The following PARP8 variants were observed in gnomAD, a reference collection of about 807,000 sequenced individuals.
PARP8 encodes poly(ADP-ribose) polymerase family member 8.
In PARP8, 51 loss-of-function variants were observed where a neutral mutation model predicts 124.1. The ratio of observed to expected loss-of-function variants is 0.41; its 90% confidence interval spans 0.33 to 0.52. PARP8 has a LOEUF of 0.52. PARP8 is among the 20% of genes least tolerant of loss of function. PARP8 has a pLI of 0.21. For missense variants in PARP8, 860 were observed against 1,018.9 expected (o/e 0.84, Z 2.12); for synonymous variants, 391 against 361.5 (o/e 1.08, Z -0.93).
At chr5:50,820,353 G>A (rs1407789667) in intron 15 of PARP8, among the ~76,000 whole-genome samples, 12 of 152,194 alleles carry the variant, frequency 7.9e-5, no homozygotes, top group Admixed American at 3.9e-4. Flanking sequence ...TGTTCACACT[G>A]TAGATATGTC....
intron 14 of PARP8, among the ~76,000 whole-genome samples, chr5:50,806,415 GTTACTA>G (rs897257506): frequency 2.2e-4 from 34 of 151,944 alleles, no homozygotes; most frequent in Non-Finnish European, 4.7e-4. Context: ...GGAAATACTA[GTTACTA>G]TTAGTATTCT....
At chr5:50,835,455 G>T (rs1354851608) in intron 25 of PARP8, among the ~76,000 whole-genome samples, 3 of 152,084 alleles carry the variant, frequency 2.0e-5, no homozygotes, top group Non-Finnish European at 4.4e-5. Flanking sequence ...CAGGAGAATC[G>T]CTTGAACCCA....
intron 9 of PARP8, among the ~76,000 whole-genome samples, chr5:50,785,664 T>C (rs2149626989): frequency 1.3e-5 from 2 of 152,330 alleles, no homozygotes; most frequent in South Asian, 4.1e-4. Flanking sequence ...TATACCTTAC[T>C]CTTTGTACAA....
At chr5:50,793,488 T>TC (rs1742186658) in intron 10 of PARP8, among the ~76,000 whole-genome samples, 1 of 152,166 alleles carries the variant, frequency 6.6e-6, no homozygotes, top group Non-Finnish European at 1.5e-5. Context: ...CATAAAGCAC[T>TC]GATGGAGTGA....
chr5:50,762,149 A>G (rs1178549954), intron 6 of PARP8, among the ~76,000 whole-genome samples: 2 of 152,150 alleles, frequency 1.3e-5, no homozygotes, highest in Non-Finnish European at 2.9e-5. Context: ...GCGATTTTGC[A>G]GATAGTATTT....
chr5:50,708,303 T>A (rs780251512), intron 2 of PARP8, among the ~76,000 whole-genome samples: 3 of 152,136 alleles, frequency 2.0e-5, no homozygotes, highest in Non-Finnish European at 4.4e-5. Flanking sequence ...GCACATCTGT[T>A]GTCATGTGTC....
intron 2 of PARP8, chr5:50,739,153 AAGTGT>A: frequency 1.4e-6 from 1 of 695,084 alleles, no homozygotes; most frequent in South Asian, 1.5e-5. Flanking sequence ...ATTGAGGCCA[AAGTGT>A]AGGACACAGG....
intron 2 of PARP8, among the ~76,000 whole-genome samples, chr5:50,691,284 T>A (rs1752472124): frequency 6.6e-6 from 1 of 152,204 alleles, no homozygotes; most frequent in South Asian, 2.1e-4. Context: ...TGTTCTTTTC[T>A]GTCCATCCTC....
At chr5:50,784,853 T>G (rs1188215765) in intron 9 of PARP8, among the ~76,000 whole-genome samples, 1 of 152,020 alleles carries the variant, frequency 6.6e-6, no homozygotes, top group Non-Finnish European at 1.5e-5. Context: ...ATTAGACTTT[T>G]GTAGTTCATT....
intron 2 of PARP8, among the ~76,000 whole-genome samples, chr5:50,674,296 GC>G (rs973930560): frequency 6.6e-6 from 1 of 152,112 alleles, no homozygotes; most frequent in Admixed American, 6.5e-5. Context: ...CATCTTTTGA[GC>G]CCGGTATGGG....
At chr5:50,680,425 T>G (rs1349304658) in intron 2 of PARP8, among the ~76,000 whole-genome samples, 13 of 152,186 alleles carry the variant, frequency 8.5e-5, no homozygotes. Flanking sequence ...TTACTGTCTA[T>G]TTGTCTCTCT....
At chr5:50,825,460 C>T (rs908589861) in intron 18 of PARP8, among the ~76,000 whole-genome samples, 1 of 152,158 alleles carries the variant, frequency 6.6e-6, no homozygotes, top group African/African-American at 2.4e-5. Context: ...GCAGAAGATG[C>T]ACAGTTTCAG....
intron 18 of PARP8, among the ~76,000 whole-genome samples, chr5:50,825,353 A>G (rs1052778934): frequency 1.6e-4 from 24 of 152,182 alleles, no homozygotes; most frequent in African/African-American, 5.8e-4. Context: ...AACCTTTATT[A>G]TTGAAATCTT....
rs533834871 is a variant in PARP8 at position 50,693,667 on chromosome 5, A to T, written c.146+25542A>T. On this transcript the variant is annotated intron_variant, in intron 2 of 25. Transcript: ENST00000281631. ...TTAATTATATAATTAAGTCACAGAA[A>T]TCAATCATGTAAATTAAATTATGTA... 1.1e-4 allele frequency among the ~76,000 whole-genome samples: 17 copies of T among 151,596 alleles called. No individual in the cohort carries two copies. The East Asian group carries it at 2.1e-3, about 19-fold the overall frequency.
intron 2 of PARP8, chr5:50,744,998 G>A (rs1358118679): frequency 4.1e-6 from 2 of 482,620 alleles, no homozygotes; most frequent in Non-Finnish European, 7.4e-6. Flanking sequence ...AATCATCCAT[G>A]TCTGTTTGTA....
rs201065713 is a variant in PARP8, at chr5:50,788,577, A to G, written c.725A>G (p.His242Arg). 1 of 1,612,664 alleles carries G rather than the reference A, an allele frequency of 6.2e-7. No individual in the cohort carries two copies. Among genetic ancestry groups the G allele is most frequent in the South Asian group, 1.1e-5 (1 of 90,978 alleles). The change falls in exon 10 of 26, where the codon CAT becomes CGT. Residue 242 changes from histidine to arginine, a missense_variant. His to Arg is a conservative substitution (Grantham distance 29, BLOSUM62 0). Around this residue, in one of 2 missense-constraint regions of PARP8, gnomAD observed 517 missense variants for 544.2 expected, o/e 0.95. Transcript: ENST00000281631. ...ACAAAAGAGCGATTTGGATTGGGAC[A>G]TCAGCTGAAAAAGTAAGTTTGCTAA... ...ISTKERFGLG[H>R]QLKKIMQTFV...
At chr5:50,709,135 TCTA>T (rs1391325301) in intron 2 of PARP8, among the ~76,000 whole-genome samples, 1 of 152,032 alleles carries the variant, frequency 6.6e-6, no homozygotes, top group Non-Finnish European at 1.5e-5. Context: ...CTTACCTCCT[TCTA>T]CTCCTTTTTT....
At chr5:50,834,768 T>A (rs1048894484) in intron 24 of PARP8, 163 bp from the exon 25 acceptor site, 1 of 672,004 alleles carries the variant, frequency 1.5e-6, no homozygotes, top group African/African-American at 1.8e-5. Context: ...TCACTGTTTT[T>A]ATCTATATTT....
chr5:50,808,023 C>T (rs1032291330), intron 14 of PARP8, among the ~76,000 whole-genome samples: 1 of 151,736 alleles, frequency 6.6e-6, no homozygotes, highest in South Asian at 2.1e-4. Context: ...TTTGTGTATC[C>T]GGCATTAAGC....
Sources: allele counts gnomAD v4.1 joint callset (sites outside exome capture counted in the v4.1 genomes callset), GRCh38; gene constraint gnomAD v4.1.1; regional missense constraint gnomAD v4.1.1; transcripts MANE v1.5; gene names NCBI Gene and HGNC (gene_info 2026-07-23, HGNC 2026-07-21).